GLRA2: variants seen among roughly 807,000 people sequenced by gnomAD.
The protein encoded by GLRA2 is glycine receptor alpha 2, also known as glycine receptor subunit alpha-2.
In GLRA2, 11 loss-of-function variants were observed where a neutral mutation model predicts 31.6. The ratio of observed to expected loss-of-function variants is 0.35; its 90% confidence interval spans 0.22 to 0.58. The LOEUF is 0.58. Ranked by LOEUF, GLRA2 falls within the 20% of genes least tolerant of loss-of-function variation. The pLI is 0.84. For synonymous variants in GLRA2, 132 were observed against 134.0 expected (o/e 0.99, Z 0.10); for missense variants, 212 against 351.8 (o/e 0.60, Z 3.18).
chrX:14,588,484 C>G (rs532525621), intron 4 of GLRA2, among the ~76,000 whole-genome samples: 2 of 111,578 alleles, frequency 1.8e-5, no homozygotes, highest in South Asian at 7.5e-4. Context: ...ATTACTGTAG[C>G]CTTATAGTAC....
intron 7 of GLRA2, among the ~76,000 whole-genome samples, chrX:14,656,113 A>G (rs1185702007): frequency 1.8e-5 from 2 of 111,676 alleles, no homozygotes; most frequent in Non-Finnish European, 1.9e-5. Context: ...AATTTGAAAT[A>G]CGCTGGGCTA....
chrX:14,472,032 A>T, the GLRA2 span, among the ~76,000 whole-genome samples: 1 of 111,922 alleles, frequency 8.9e-6, no homozygotes, highest in Non-Finnish European at 1.9e-5. Context: ...GAAGCAATAG[A>T]AGCCAACGAA....
chrX:14,553,903 T>C (rs943359629), intron 2 of GLRA2, among the ~76,000 whole-genome samples: 1 of 111,908 alleles, frequency 8.9e-6, no homozygotes, highest in Non-Finnish European at 1.9e-5. Flanking sequence ...ACACACCTTT[T>C]ATTGTTTGCC....
At chrX:14,656,163 G>A (rs2090937938) in intron 7 of GLRA2, among the ~76,000 whole-genome samples, 1 of 111,819 alleles carries the variant, frequency 8.9e-6, no homozygotes, top group South Asian at 3.7e-4. Context: ...GTAGTCACAT[G>A]GAGAACTTCT....
the GLRA2 span, among the ~76,000 whole-genome samples, chrX:14,500,804 T>G: frequency 1.8e-5 from 2 of 111,258 alleles, no homozygotes; most frequent in Non-Finnish European, 3.8e-5. Flanking sequence ...TATTAGACAT[T>G]GTTGGTGATC....
At chrX:14,621,471 G>T (rs1166624507) in intron 7 of GLRA2, among the ~76,000 whole-genome samples, 1 of 110,721 alleles carries the variant, frequency 9.0e-6, no homozygotes, top group Non-Finnish European at 1.9e-5. Flanking sequence ...CCATTAACTC[G>T]TCATTTACAT....
chrX:14,616,153 C>T (rs2090451777), intron 7 of GLRA2, among the ~76,000 whole-genome samples: 2 of 111,940 alleles, frequency 1.8e-5, no homozygotes, highest in Admixed American at 1.9e-4. Flanking sequence ...ACTGAGACAT[C>T]AGGCAGGCTT....
At chrX:14,696,210 G>T (rs1345136340) in intron 8 of GLRA2, among the ~76,000 whole-genome samples, 1 of 99,077 alleles carries the variant, frequency 1.0e-5, no homozygotes, top group African/African-American at 3.7e-5. Context: ...ATGGGATGGA[G>T]GGAGAGTGCG....
chrX:14,452,965 C>A, the GLRA2 span, among the ~76,000 whole-genome samples: 1 of 111,713 alleles, frequency 9.0e-6, no homozygotes, highest in Non-Finnish European at 1.9e-5. Flanking sequence ...TAGACACATT[C>A]CTAGCTGATG....
At chrX:14,539,275 A>G (rs760522775) in intron 2 of GLRA2, among the ~76,000 whole-genome samples, 1 of 110,881 alleles carries the variant, frequency 9.0e-6, no homozygotes, top group Non-Finnish European at 1.9e-5. Flanking sequence ...AAATGTAACT[A>G]TGTTTGACGA....
In GLRA2 at chrX:14,532,382, A is replaced by G. The variant is rs760779411; in HGVS notation, c.202+10A>G. The G allele has an allele frequency of 6.2e-6, 7 of 1,129,638 alleles. No individual in the cohort carries two copies. Among genetic ancestry groups the G allele is most frequent in the Non-Finnish European group, 8.4e-6 (7 of 837,453 alleles). The allele number at this position is 1,129,638 out of a possible 1,213,427, so 93.1% of individuals were successfully genotyped here. A position where few individuals can be genotyped will look rare whatever the true frequency, so the allele number is the denominator to read the frequency against. On this transcript the variant is annotated intron_variant, in intron 2 of 8. Coordinates refer to ENST00000218075, the MANE Select transcript of GLRA2 (RefSeq NM_002063.4). ...AGGCCAAATTTTAAAGGTAGGTTCC[A>G]CTTAAACTTACGTTAAGCCTTTGAG...
At chrX:14,700,943 C>A (rs924845435) in intron 8 of GLRA2, among the ~76,000 whole-genome samples, 4 of 109,391 alleles carry the variant, frequency 3.7e-5, no homozygotes, top group African/African-American at 1.0e-4. Flanking sequence ...ACTAGCCATA[C>A]CCAGTAGAAG....
chrX:14,514,876 CT>C, the GLRA2 span, among the ~76,000 whole-genome samples: 1 of 110,342 alleles, frequency 9.1e-6, no homozygotes, highest in Non-Finnish European at 1.9e-5. Flanking sequence ...CTTGCCTTTC[CT>C]AATAAAATCT....
At position 14,552,833 on chromosome X, in the gene GLRA2, A is replaced by G. The variant is rs768783949; in HGVS notation, c.202+20461A>G. On this transcript the variant is annotated intron_variant, in intron 2 of 8. Transcript: ENST00000218075. The stretch of plus-strand genomic sequence containing the variant: ...TCTGGTACAACACACAAAATTAGAG[A>G]CTCTTTAAAGCCTCAACAAACCTTG... 4.1e-4 allele frequency among the ~76,000 whole-genome samples: 46 copies of G among 111,423 alleles called. 1 individual carries two copies. The highest frequency in any genetic ancestry group is 7.0e-4 in the Non-Finnish European group (37 of 53,030).
chrX:14,618,577 T>C (rs1601770475), intron 7 of GLRA2, among the ~76,000 whole-genome samples: 1 of 112,137 alleles, frequency 8.9e-6, no homozygotes, highest in Non-Finnish European at 1.9e-5. Context: ...TAATAAACTT[T>C]GCTACTTAAA....
At chrX:14,523,320 A>T in the GLRA2 span, among the ~76,000 whole-genome samples, 2 of 111,535 alleles carry the variant, frequency 1.8e-5, no homozygotes, top group Non-Finnish European at 3.8e-5. Context: ...CTTGCTCTGG[A>T]TTGGACTTTG....
chrX:14,671,013 A>G (rs2091087098), intron 7 of GLRA2, among the ~76,000 whole-genome samples: 1 of 111,973 alleles, frequency 8.9e-6, no homozygotes, highest in Admixed American at 9.5e-5. Flanking sequence ...TTTCAGCTCC[A>G]TTATTCTAAT....
chrX:14,600,795 TTCTG>T (rs900232148), intron 4 of GLRA2, among the ~76,000 whole-genome samples: 5 of 111,665 alleles, frequency 4.5e-5, no homozygotes, highest in African/African-American at 1.3e-4. Flanking sequence ...AATTTATTCC[TTCTG>T]TCTAATTGAG....
At position 14,617,688 on chromosome X, in the gene GLRA2, G is replaced by A. The variant is rs1263513996; in HGVS notation, c.930+8483G>A. Among the ~76,000 whole-genome samples the A allele has an allele frequency of 2.7e-5, 3 of 112,053 alleles. 1 individual carries two copies. The highest frequency in any genetic ancestry group is 2.8e-4 in the East Asian group (1 of 3,541). On this transcript the variant is annotated intron_variant, in intron 7 of 8. Transcript: ENST00000218075. Reference sequence around the variant, plus strand: ...CATGGCCCAGTTATCTCAACCACCAGGTGAGGCCATGCAAACACATGAGGG... The same window carrying A: ...CATGGCCCAGTTATCTCAACCACCAAGTGAGGCCATGCAAACACATGAGGG...
Sources: gnomAD v4.1 joint callset for allele counts (sites outside exome capture counted in the v4.1 genomes callset) on GRCh38, gnomAD v4.1.1 for gene constraint, MANE v1.5 for transcripts, NCBI Gene and HGNC (gene_info 2026-07-23, HGNC 2026-07-21) for gene names.